The following ACTMAP variants were observed in gnomAD, a reference collection of about 807,000 sequenced individuals.
ACTMAP encodes the protein actin maturation protease.
the ACTMAP span, among the ~76,000 whole-genome samples, chr19:40,745,364 A>G: frequency 1.3e-5 from 2 of 152,108 alleles, no homozygotes; most frequent in African/African-American, 4.8e-5. Context: ...CCCCTCCCCA[A>G]GCTTCAGTTT....
the ACTMAP span, chr19:40,741,333 C>G: frequency 9.4e-6 from 2 of 212,768 alleles, no homozygotes; most frequent in South Asian, 1.5e-4. Flanking sequence ...ATCCCAGTTA[C>G]TTGGGGGGCT....
At chr19:40,743,886 C>CT in the ACTMAP span, 1 of 1,613,448 alleles carries the variant, frequency 6.2e-7, no homozygotes, top group Non-Finnish European at 8.5e-7. Context: ...GGGGTGCAGA[C>CT]AAAGGAGGGG....
the ACTMAP span, chr19:40,744,766 C>T: frequency 6.7e-7 from 1 of 1,488,198 alleles, no homozygotes. Flanking sequence ...AGGTTTGCTG[C>T]CCTGGAGGAG....
At chr19:40,742,933 C>T in the ACTMAP span, among the ~76,000 whole-genome samples, 601 of 152,242 alleles carry the variant, frequency 3.9e-3, 7 homozygotes, top group African/African-American at 0.013. Flanking sequence ...TTGGACCCAC[C>T]GTGGCACCCG....
chr19:40,749,561 C>T, the ACTMAP span: 54 of 1,551,248 alleles, frequency 3.5e-5, no homozygotes, highest in Non-Finnish European at 4.0e-5. Context: ...AGGCCTCCTT[C>T]AGGAGCTGGC....
the ACTMAP span, chr19:40,742,025 G>A: frequency 2.2e-6 from 1 of 463,998 alleles, no homozygotes; most frequent in African/African-American, 2.0e-5. Context: ...AACACTTCAG[G>A]GATCTAAAAG....
the ACTMAP span, chr19:40,749,414 C>CA: frequency 2.7e-5 from 38 of 1,424,906 alleles, no homozygotes; most frequent in Middle Eastern, 2.5e-4. Flanking sequence ...ACCCCCCCCC[C>CA]ACCCCAAGAG....
At chr19:40,744,877 C>T in the ACTMAP span, 1 of 909,764 alleles carries the variant, frequency 1.1e-6, no homozygotes, top group Non-Finnish European at 1.6e-6. Context: ...GAGAGGTCAC[C>T]TGAGCTTCCT....
chr19:40,749,510 C>G, the ACTMAP span: 2 of 1,545,786 alleles, frequency 1.3e-6, no homozygotes, highest in Non-Finnish European at 8.7e-7. Context: ...GAAGCCTCTT[C>G]ACATCTTCTC....
the ACTMAP span, chr19:40,745,193 C>A: frequency 6.4e-7 from 1 of 1,551,768 alleles, no homozygotes; most frequent in Non-Finnish European, 8.7e-7. Context: ...CAGGTCACCT[C>A]GGAACCTGAA....
the ACTMAP span, chr19:40,749,419 C>CCCA: frequency 2.0e-6 from 3 of 1,470,066 alleles, no homozygotes; most frequent in Non-Finnish European, 2.7e-6. Context: ...CCCCCCACCC[C>CCCA]AAGAGATCTG....
At chr19:40,741,959 G>A in the ACTMAP span, 1 of 441,534 alleles carries the variant, frequency 2.3e-6, no homozygotes, top group African/African-American at 2.0e-5. Context: ...GAAAAGTTAA[G>A]GAGTGATCCG....
the ACTMAP span, chr19:40,742,077 G>A: frequency 2.0e-6 from 1 of 508,766 alleles, no homozygotes; most frequent in Non-Finnish European, 3.8e-6. Flanking sequence ...GAAGACCTTG[G>A]GCTAAGGAGG....
the ACTMAP span, among the ~76,000 whole-genome samples, chr19:40,748,318 C>G: frequency 2.6e-5 from 4 of 151,872 alleles, no homozygotes; most frequent in Non-Finnish European, 4.4e-5. Flanking sequence ...CAAAAATTAG[C>G]TGGGCGTGGT....
the ACTMAP span, chr19:40,744,139 G>A: frequency 6.2e-7 from 1 of 1,611,720 alleles, no homozygotes; most frequent in South Asian, 1.1e-5. Context: ...CAGGCCACCA[G>A]AGAGCAGCTT....
At chr19:40,741,932 A>G in the ACTMAP span, 1 of 444,626 alleles carries the variant, frequency 2.2e-6, no homozygotes, top group African/African-American at 2.0e-5. Context: ...TGAGGTAGTG[A>G]TACCTGAGCC....
the ACTMAP span, among the ~76,000 whole-genome samples, chr19:40,748,982 CTCT>C: frequency 6.9e-6 from 1 of 144,970 alleles, no homozygotes. Flanking sequence ...TGGGCATTTG[CTCT>C]TTTTTTTTTT....
the ACTMAP span, chr19:40,749,826 G>A: frequency 7.2e-7 from 1 of 1,398,034 alleles, no homozygotes; most frequent in Non-Finnish European, 9.4e-7. Flanking sequence ...AGGAGGTGTT[G>A]AGAGGTTCAG....
At chr19:40,742,800 A>C in the ACTMAP span, 1 of 1,574,458 alleles carries the variant, frequency 6.4e-7, no homozygotes. Flanking sequence ...GGTGAGTGGC[A>C]GTGACTGAGC....
Sources: gnomAD v4.1 joint callset for allele counts (sites outside exome capture counted in the v4.1 genomes callset) on GRCh38, gnomAD v4.1.1 for gene constraint, MANE v1.5 for transcripts, NCBI Gene and HGNC (gene_info 2026-07-23, HGNC 2026-07-21) for gene names.